RBFOX1: variants seen among roughly 807,000 people sequenced by gnomAD.
RBFOX1 encodes RNA binding fox-1 homolog 1.
Under a neutral mutation model 57.7 loss-of-function variants are expected in RBFOX1, and 8 were observed. The observed-to-expected ratio is 0.14, with a 90% CI of 0.08 to 0.25. The LOEUF (loss-of-function observed/expected upper bound fraction) is 0.25, where lower values mean the gene tolerates loss of function less well. Among genes scored for constraint, RBFOX1 ranks in the 10% least tolerant of loss-of-function variants. The pLI, the probability that RBFOX1 is intolerant of heterozygous loss-of-function variation, is 1.00. For synonymous variants in RBFOX1, 326 were observed against 222.4 expected (o/e 1.47, Z -4.15); for missense variants, 611 against 548.5 (o/e 1.11, Z -1.14).
In RBFOX1 at chr16:7,100,548, A is replaced by G. The variant is rs534721945; in HGVS notation, c.27+48450A>G. ...AGTGTTACTGATGGTTTGGGAAAAC[A>G]TGGGTTTTTAAAGGTTGTTTTTTTT... On this transcript the variant is annotated intron_variant, in intron 4 of 15. Coordinates refer to ENST00000550418, the MANE Select transcript of RBFOX1 (RefSeq NM_018723.4). Among the ~76,000 whole-genome samples the G allele has an allele frequency of 2.3e-4, 34 of 146,062 alleles. No individual in the cohort carries two copies. In the South Asian group the frequency reaches 6.8e-3, roughly 29 times the overall value.
At chr16:6,134,484 C>A (rs2096651765) in intron 1 of RBFOX1, among the ~76,000 whole-genome samples, 1 of 152,134 alleles carries the variant, frequency 6.6e-6, no homozygotes, top group Non-Finnish European at 1.5e-5. Context: ...TCCAGGGATG[C>A]ATAGTAAATC....
intron 4 of RBFOX1, among the ~76,000 whole-genome samples, chr16:7,062,854 C>T (rs1157906660): frequency 6.8e-6 from 1 of 146,010 alleles, no homozygotes; most frequent in African/African-American, 2.6e-5. Flanking sequence ...ATCCATCTAT[C>T]CGTCCCTTAA....
intron 3 of RBFOX1, among the ~76,000 whole-genome samples, chr16:6,908,693 C>T (rs546763626): frequency 3.9e-5 from 6 of 152,030 alleles, no homozygotes; most frequent in Non-Finnish European, 8.8e-5. Context: ...GTTGGGATGA[C>T]GAGGGCAGGC....
chr16:7,688,148 T>G (rs1460069811), intron 14 of RBFOX1, among the ~76,000 whole-genome samples: 2 of 151,844 alleles, frequency 1.3e-5, no homozygotes, highest in African/African-American at 2.4e-5. Flanking sequence ...GCATCTTGGC[T>G]GCCATCTACC....
At chr16:6,791,954 T>G (rs1275121281) in intron 3 of RBFOX1, among the ~76,000 whole-genome samples, 1 of 152,186 alleles carries the variant, frequency 6.6e-6, no homozygotes, top group African/African-American at 2.4e-5. Context: ...AGAGCCGAAT[T>G]CTATTCCCAA....
chr16:5,825,845 A>T (rs948544090), intron 3 of RBFOX1, among the ~76,000 whole-genome samples: 4 of 130,380 alleles, frequency 3.1e-5, no homozygotes, highest in African/African-American at 1.2e-4. Context: ...ATAAGGAATA[A>T]TATTCCGTAA....
At chr16:5,693,907 C>T (rs1312398479) in intron 3 of RBFOX1, among the ~76,000 whole-genome samples, 1 of 152,182 alleles carries the variant, frequency 6.6e-6, no homozygotes, top group African/African-American at 2.4e-5. Flanking sequence ...TGGGCTGCCT[C>T]ATTCCCCCAC....
chr16:6,026,029 C>A (rs1258344531), intron 1 of RBFOX1, among the ~76,000 whole-genome samples: 2 of 152,168 alleles, frequency 1.3e-5, no homozygotes, highest in Non-Finnish European at 2.9e-5. Flanking sequence ...CCCCCACCCA[C>A]CCAGCAGTTC....
chr16:5,985,443 G>A (rs1036880003), intron 4 of RBFOX1, among the ~76,000 whole-genome samples: 6 of 152,088 alleles, frequency 3.9e-5, no homozygotes, highest in Non-Finnish European at 7.3e-5. Flanking sequence ...CCATTTTACG[G>A]ATGAAGAAAT....
intron 3 of RBFOX1, among the ~76,000 whole-genome samples, chr16:6,770,837 C>A (rs947316927): frequency 2.6e-5 from 4 of 152,120 alleles, no homozygotes; most frequent in African/African-American, 9.7e-5. Flanking sequence ...GAGCCCATTT[C>A]TAAATAGTAG....
chr16:6,750,324 C>G (rs369192663), intron 3 of RBFOX1, among the ~76,000 whole-genome samples: 2 of 152,084 alleles, frequency 1.3e-5, no homozygotes, highest in Non-Finnish European at 2.9e-5. Context: ...AATAATGGGT[C>G]ATAGAGAGGA....
At chr16:7,709,217 C>T (rs1315279525) in intron 15 of RBFOX1, 86 bp downstream of exon 15, 12 of 1,271,344 alleles carry the variant, frequency 9.4e-6, no homozygotes, top group South Asian at 5.4e-5. Flanking sequence ...TTGACGTCCT[C>T]TCACTTCCCG....
intron 3 of RBFOX1, among the ~76,000 whole-genome samples, chr16:6,927,881 T>C (rs1487888739): frequency 1.3e-5 from 2 of 152,212 alleles, no homozygotes; most frequent in Non-Finnish European, 2.9e-5. Flanking sequence ...GTACATATAC[T>C]AATAGCATAC....
intron 3 of RBFOX1, among the ~76,000 whole-genome samples, chr16:6,686,958 T>C (rs1014772342): frequency 4.6e-5 from 7 of 152,344 alleles, no homozygotes; most frequent in Non-Finnish European, 1.0e-4. Flanking sequence ...CGTAATGATA[T>C]GATGTGAAAA....
At chr16:5,301,618 C>CAAAAAAAAAAAAA (rs60501583) in intron 1 of RBFOX1, among the ~76,000 whole-genome samples, 5 of 87,002 alleles carry the variant, frequency 5.7e-5, no homozygotes, top group East Asian at 3.5e-4. Context: ...GTCTCCATCT[C>CAAAAAAAAAAAAA]AAAAAAAAAA....
At chr16:6,069,102 GA>G (rs1177088971) in intron 1 of RBFOX1, among the ~76,000 whole-genome samples, 1 of 152,070 alleles carries the variant, frequency 6.6e-6, no homozygotes, top group Non-Finnish European at 1.5e-5. Flanking sequence ...CGAGGGAAGA[GA>G]AAAAGAAGGG....
At position 6,691,462 on chromosome 16, in the gene RBFOX1, T is replaced by G. The variant is rs530850694; in HGVS notation, c.-16+36812T>G. Among the ~76,000 whole-genome samples, 61 of 107,118 alleles carry G rather than the reference T, an allele frequency of 5.7e-4. 1 individual carries two copies. Among genetic ancestry groups the G allele is most frequent in the African/African-American group, 1.4e-3 (57 of 39,930 alleles). The allele number at this position is 107,118 out of a possible 152,430, so 70.3% of individuals were successfully genotyped here. On this transcript the variant is annotated intron_variant, in intron 3 of 15. Transcript: ENST00000550418. ...AGTACCTTTACCATCTATTCCTTTT[T>G]CTTTATTTTTTTTGTGGATGCCACT...
chr16:7,020,886 C>T (rs541106351), intron 3 of RBFOX1, among the ~76,000 whole-genome samples: 21 of 152,218 alleles, frequency 1.4e-4, no homozygotes, highest in South Asian at 8.3e-4. Context: ...CAGAACTTTG[C>T]GATGCTAAGA....
chr16:5,263,957 C>T (rs1309481743), intron 1 of RBFOX1, among the ~76,000 whole-genome samples: 4 of 152,164 alleles, frequency 2.6e-5, no homozygotes, highest in Non-Finnish European at 5.9e-5. Context: ...CAGTATCATT[C>T]AGCAGCCCTT....
Sources: gnomAD v4.1 joint callset for allele counts (sites outside exome capture counted in the v4.1 genomes callset) on GRCh38, gnomAD v4.1.1 for gene constraint, MANE v1.5 for transcripts, NCBI Gene and HGNC (gene_info 2026-07-23, HGNC 2026-07-21) for gene names.